EPHA8: variants seen among roughly 807,000 people sequenced by gnomAD.
The protein encoded by EPHA8 is EPH receptor A8.
A neutral mutation model predicts 103.6 loss-of-function variants in EPHA8; 58 were observed. The observed-to-expected ratio is 0.56, with a 90% CI of 0.45 to 0.70. The LOEUF is 0.70. EPHA8 is among the 30% of genes least tolerant of loss of function. The pLI is 0.00. For synonymous variants in EPHA8, 559 were observed against 572.5 expected (o/e 0.98, Z 0.34); for missense variants, 1,304 against 1,395.2 (o/e 0.93, Z 1.04).
At chr1:22,579,367 G>A (rs188337109) in intron 3 of EPHA8, among the ~76,000 whole-genome samples, 1 of 150,686 alleles carries the variant, frequency 6.6e-6, no homozygotes, top group East Asian at 2.0e-4. Flanking sequence ...GTGTGTATGT[G>A]TGCATGAGTG....
chr1:22,572,043 A>G (rs913271251), intron 2 of EPHA8, among the ~76,000 whole-genome samples: 7 of 152,136 alleles, frequency 4.6e-5, no homozygotes, highest in African/African-American at 1.7e-4. Context: ...AAAAATAAAA[A>G]ATAATAAGCT....
At chr1:22,583,192 C>T (rs372429950) in intron 3 of EPHA8, among the ~76,000 whole-genome samples, 11 of 152,224 alleles carry the variant, frequency 7.2e-5, no homozygotes, top group South Asian at 2.1e-4. Context: ...CACCCTGGGT[C>T]GACAGGCAGG....
intron 5 of EPHA8, among the ~76,000 whole-genome samples, chr1:22,592,244 C>T (rs997823289): frequency 3.9e-5 from 6 of 152,196 alleles, no homozygotes; most frequent in African/African-American, 1.4e-4. Flanking sequence ...TGTCTGCCCC[C>T]ATCCCACAGC....
In EPHA8 at chr1:22,567,570, A is replaced by G. The variant is rs1171469317; in HGVS notation, c.95-1719A>G. On this transcript the variant is annotated intron_variant, in intron 1 of 16. Coordinates refer to ENST00000166244, the MANE Select transcript of EPHA8 (RefSeq NM_020526.5). The surrounding 1 kb of genome is among the most constrained non-coding windows in gnomAD (Gnocchi z 4.2). The stretch of plus-strand genomic sequence containing the variant: ...GGAGGAGCGCGGAGACCCCCTCCCT[A>G]GTTCTGCCAGCCTCACTCCAGCCGG... 6.6e-6 allele frequency among the ~76,000 whole-genome samples: 1 copy of G among 152,012 alleles called. No homozygotes were observed. Among genetic ancestry groups the G allele is most frequent in the Non-Finnish European group, 1.5e-5 (1 of 67,976 alleles).
chr1:22,586,416 G>A (rs200025773), intron 3 of EPHA8, 64 bp from the exon 4 acceptor site: 230 of 1,573,156 alleles, frequency 1.5e-4, no homozygotes, highest in Non-Finnish European at 1.8e-4. Context: ...CACAGTGTGA[G>A]CGGTCCCCAA....
At chr1:22,588,800 G>A (rs1289196090) in intron 4 of EPHA8, 71 bp from the exon 5 acceptor site, 3 of 1,511,994 alleles carry the variant, frequency 2.0e-6, no homozygotes, top group Non-Finnish European at 2.6e-6. Context: ...GGGAGCCCCA[G>A]GTCTGATGAT....
intron 1 of EPHA8, among the ~76,000 whole-genome samples, chr1:22,564,343 C>T (rs117645615): frequency 1.4e-5 from 2 of 144,140 alleles, no homozygotes; most frequent in African/African-American, 5.3e-5. Context: ...CACAGTCTGG[C>T]GACGGGCTGG....
At chr1:22,599,480 C>T (rs1425218482) in intron 13 of EPHA8, among the ~76,000 whole-genome samples, 1 of 151,982 alleles carries the variant, frequency 6.6e-6, no homozygotes, top group Non-Finnish European at 1.5e-5. Flanking sequence ...CAGTTTTCAC[C>T]CTGGCCCCAA....
intron 1 of EPHA8, among the ~76,000 whole-genome samples, chr1:22,568,817 C>T (rs1030325433): frequency 6.6e-6 from 1 of 152,328 alleles, no homozygotes; most frequent in Admixed American, 6.5e-5. Context: ...ATGGCTCTTA[C>T]AGGAGACAAG....
In EPHA8 at chr1:22,576,569, G is replaced by A. The variant is rs776511588; in HGVS notation, c.512G>A (p.Arg171His). The A allele has an allele frequency of 4.3e-6, 7 of 1,614,120 alleles. No homozygotes were observed. Among genetic ancestry groups the A allele is most frequent in the Admixed American group, 3.3e-5 (2 of 60,024 alleles). ...CGTCTCAAGCTCAACACGGAGGTGC[G>A]CAGTGTGGGTCCCCTCAGCAAGCGC... is the stretch of plus-strand genomic sequence containing the variant. Reference protein sequence around the residue: ...VRRLKLNTEVRSVGPLSKRGF... With the variant: ...VRRLKLNTEVHSVGPLSKRGF... Residue 171 changes from arginine (R) to histidine (H), a missense_variant, in exon 3 of 17, where the codon CGC becomes CAC. Coordinates refer to ENST00000166244, the MANE Select transcript of EPHA8 (RefSeq NM_020526.5). This position sits in a 1 kb window ranked among gnomAD's most constrained non-coding sequence, Gnocchi z 4.8.
Position 22,589,112 on chromosome 1 carries a change from C to T in EPHA8, c.1221C>T (p.Asn407=). ...TGGCCAACCTGCTGGCCCACATGAA[C>T]TACTCCTTCTGGATCGAGGCCGTCA... ...LLVANLLAHM[N]YSFWIEAVNG... is the part of the protein sequence containing the mutation. The change falls in exon 5 of 17, where the codon AAC becomes AAT. Residue 407 remains asparagine (N), a synonymous_variant. Coordinates refer to ENST00000166244, the MANE Select transcript of EPHA8 (RefSeq NM_020526.5). This position sits in a 1 kb window ranked among gnomAD's most constrained non-coding sequence, Gnocchi z 4.3. 6.2e-7 allele frequency: 1 copy of T among 1,613,804 alleles called. No homozygotes were observed. Among genetic ancestry groups the T allele is most frequent in the Non-Finnish European group, 8.5e-7 (1 of 1,179,964 alleles).
intron 1 of EPHA8, among the ~76,000 whole-genome samples, chr1:22,568,816 A>G (rs532412902): frequency 6.6e-6 from 1 of 152,366 alleles, no homozygotes; most frequent in East Asian, 1.9e-4. Flanking sequence ...CATGGCTCTT[A>G]CAGGAGACAA....
In EPHA8 at chr1:22,589,177, C is replaced by T; in HGVS notation, c.1286C>T (p.Ala429Val). 1 of 1,613,936 alleles carries T rather than the reference C, an allele frequency of 6.2e-7. No individual in the cohort carries two copies. The highest frequency in any genetic ancestry group is 8.5e-7 in the Non-Finnish European group (1 of 1,179,972). ...CTGAGCCCCGAGCCCCGCCGGGCCG[C>T]TGTGGTCAACATCACCACGAACCAG... ...SDLSPEPRRAAVVNITTNQAA... is the reference protein window; with the variant it reads ...SDLSPEPRRAVVVNITTNQAA... The change falls in exon 5 of 17, where the codon GCT becomes GTT. Residue 429 changes from alanine (A) to valine (V), a missense_variant. Ala to Val is a moderately conservative substitution (Grantham distance 64, BLOSUM62 0). Transcript: ENST00000166244. The surrounding 1 kb of genome is among the most constrained non-coding windows in gnomAD (Gnocchi z 4.3).
Position 22,593,363 on chromosome 1 carries a change from G to A in EPHA8, c.1353G>A (p.Ala451=), listed in dbSNP as rs760846218. ...TGGTGGTGATCCGTCAAGAGCGGGC[G>A]GGGCAGACCAGCGTCTCGCTGCTGT... ...SQVVVIRQER[A]GQTSVSLLWQ... is the part of the protein sequence containing the mutation. Residue 451 remains alanine (A), a synonymous_variant, in exon 6 of 17, where the codon GCG becomes GCA. Transcript: ENST00000166244. 17 of 1,586,476 alleles carry A rather than the reference G, an allele frequency of 1.1e-5. No individual in the cohort carries two copies. The highest frequency in any genetic ancestry group is 4.6e-5 in the East Asian group (2 of 43,902).
In EPHA8 at chr1:22,601,388, G is replaced by C. The variant is rs374945795; in HGVS notation, c.2818G>C (p.Asp940His). ...GGGCCTCACCGTGGGGGACTGGCTG[G>C]ACTCCATCCGCATGGGCCGGTACCG... ...GGGLTVGDWL[D>H]SIRMGRYRDH... is the part of the protein sequence containing the mutation. The change falls in exon 16 of 17, where the codon GAC becomes CAC. Residue 940 changes from aspartate (D) to histidine (H), a missense_variant. Physicochemically the swap from Asp to His is moderately conservative, Grantham distance 81. Coordinates refer to ENST00000166244, the MANE Select transcript of EPHA8 (RefSeq NM_020526.5). 33 of 1,611,412 alleles carry C rather than the reference G, an allele frequency of 2.0e-5. 1 individual carries two copies. In the South Asian group the frequency reaches 3.6e-4, roughly 18 times the overall value.
At position 22,589,573 on chromosome 1, in the gene EPHA8, A is replaced by G. The variant is rs145218472; in HGVS notation, c.1315+367A>G. 1.5e-4 allele frequency: 204 copies of G among 1,336,780 alleles called. No individual in the cohort carries two copies. In the East Asian group the frequency reaches 3.9e-3, roughly 26 times the overall value. 82.8% of individuals were successfully genotyped at this position (1,336,780 alleles called of 1,614,324 possible). ...TGAGAGGAATGAAATTGCTTAGCCC[A>G]GCACCTGGCCCGTGGTAAATGCTCA... On this transcript the variant is annotated intron_variant, in intron 5 of 16. Transcript: ENST00000166244. The surrounding 1 kb of genome is among the most constrained non-coding windows in gnomAD (Gnocchi z 4.3).
At chr1:22,577,956 CAT>C (rs1491085309) in intron 3 of EPHA8, among the ~76,000 whole-genome samples, 2 of 93,736 alleles carry the variant, frequency 2.1e-5, no homozygotes, top group African/African-American at 8.8e-5. Flanking sequence ...CGAGTGTATG[CAT>C]GTGTGTGCAT....
intron 8 of EPHA8, 112 bp from the exon 9 acceptor site, chr1:22,595,994 C>T (rs1641506248): frequency 3.2e-6 from 3 of 926,840 alleles, no homozygotes; most frequent in Admixed American, 4.1e-5. Flanking sequence ...CAGGAGCTGA[C>T]CTGTCAGGGG....
At position 22,576,817 on chromosome 1, in the gene EPHA8, C is replaced by G. The variant is rs368167619; in HGVS notation, c.760C>G (p.Leu254Val). The change falls in exon 3 of 17, where the codon CTC becomes GTC. Residue 254 changes from leucine (L) to valine (V), a missense_variant. Leu to Val is a conservative substitution (Grantham distance 32). Coordinates refer to ENST00000166244, the MANE Select transcript of EPHA8 (RefSeq NM_020526.5). This position sits in a 1 kb window ranked among gnomAD's most constrained non-coding sequence, Gnocchi z 4.8. ...GTACTGCAGCGCGGAGGGCGAGTGG[C>G]TCGTGCCCATCGGCAAATGCGTGTG... is the stretch of plus-strand genomic sequence containing the variant. Reference protein sequence around the residue: ...KMYCSAEGEWLVPIGKCVCSA... With the variant: ...KMYCSAEGEWVVPIGKCVCSA... 2.9e-5 allele frequency: 46 copies of G among 1,611,326 alleles called. No homozygotes were observed. Among genetic ancestry groups the G allele is most frequent in the African/African-American group, 2.1e-4 (16 of 74,898 alleles).
Sources: gnomAD v4.1 joint callset for allele counts (sites outside exome capture counted in the v4.1 genomes callset) on GRCh38, gnomAD v4.1.1 for gene constraint, Gnocchi (gnomAD v3.1) non-coding constraint, MANE v1.5 for transcripts, NCBI Gene and HGNC (gene_info 2026-07-23, HGNC 2026-07-21) for gene names.